STX8: variants seen among roughly 807,000 people sequenced by gnomAD.
STX8 encodes syntaxin 8, also known as syntaxin-8.
A neutral mutation model predicts 37.5 loss-of-function variants in STX8; 23 were observed. The observed-to-expected ratio is 0.61, with a 90% CI of 0.44 to 0.87. STX8 has a LOEUF of 0.87. STX8 is among the 40% of genes least tolerant of loss of function. STX8 has a pLI of 0.00. For missense variants in STX8, 313 were observed against 284.7 expected, an observed-to-expected ratio of 1.10 and a Z score of -0.71; for synonymous variants, 115 against 99.1, an observed-to-expected ratio of 1.16 and a Z score of -0.95.
At chr17:9,486,579 G>A (rs539099212) in intron 6 of STX8, among the ~76,000 whole-genome samples, 1 of 152,268 alleles carries the variant, frequency 6.6e-6, no homozygotes, top group Non-Finnish European at 1.5e-5. Context: ...TGCTGCGGGT[G>A]GTGGCTCAAG....
At position 9,274,740 on chromosome 17, in the gene STX8, A is replaced by AT. The variant is rs1907605522; in HGVS notation, c.644-24096dup. On this transcript the variant is annotated intron_variant, in intron 7 of 7. Coordinates refer to ENST00000306357, the MANE Select transcript of STX8 (RefSeq NM_004853.3). ...AAACAAAGTCTTCAAAAATACAACA[A>AT]TTTCTTTTTTCTTTTTTTTTTTTTT... is the stretch of plus-strand genomic sequence containing the variant. 1.7e-4 allele frequency among the ~76,000 whole-genome samples: 19 copies of AT among 112,492 alleles called. 2 individuals carry two copies. Among genetic ancestry groups the AT allele is most frequent in the Non-Finnish European group, 2.4e-4 (13 of 53,744 alleles). The allele number at this position is 112,492 out of a possible 152,430, so 73.8% of individuals were successfully genotyped here.
chr17:9,525,029 G>A (rs12936161), intron 4 of STX8, among the ~76,000 whole-genome samples: 2,712 of 152,084 alleles, frequency 0.018, 91 homozygotes, highest in African/African-American at 0.062. Flanking sequence ...AGCTGGTTTC[G>A]AACTCCTGAC....
At chr17:9,400,106 AT>A (rs368851654) in intron 6 of STX8, among the ~76,000 whole-genome samples, 155 of 138,030 alleles carry the variant, frequency 1.1e-3, no homozygotes, top group African/African-American at 2.5e-3. Flanking sequence ...TGTTGTTATT[AT>A]TTTTTTTTTT....
At chr17:9,371,050 G>C (rs1911387019) in intron 7 of STX8, among the ~76,000 whole-genome samples, 1 of 152,082 alleles carries the variant, frequency 6.6e-6, no homozygotes, top group African/African-American at 2.4e-5. Context: ...CTGAGTGAAA[G>C]GTTCACAAAG....
chr17:9,508,009 C>T lies in STX8; in HGVS notation c.324-2847G>A, dbSNP rs144215604. Among the ~76,000 whole-genome samples, 345 of 152,088 alleles carry T rather than the reference C, an allele frequency of 2.3e-3. 1 individual carries two copies. Among genetic ancestry groups the T allele is most frequent in the Non-Finnish European group, 4.0e-3 (273 of 67,982 alleles). ...CATAGACATCAACATAGGGATACAT[C>T]GAACATGAAAAAGCAAGGAAACATG... On this transcript the variant is annotated intron_variant, in intron 4 of 7. Transcript: ENST00000306357.
intron 3 of STX8, among the ~76,000 whole-genome samples, chr17:9,549,046 T>C (rs1409379219): frequency 6.6e-6 from 1 of 152,170 alleles, no homozygotes; most frequent in African/African-American, 2.4e-5. Flanking sequence ...CAAAGGAATT[T>C]TATGTTTACA....
intron 6 of STX8, among the ~76,000 whole-genome samples, chr17:9,479,399 T>C (rs1346802884): frequency 6.6e-6 from 1 of 151,812 alleles, no homozygotes; most frequent in East Asian, 1.9e-4. Context: ...CTGGGCATGG[T>C]GGCACATGCC....
At chr17:9,337,575 C>T (rs1374511615) in intron 7 of STX8, among the ~76,000 whole-genome samples, 2 of 152,124 alleles carry the variant, frequency 1.3e-5, no homozygotes, top group East Asian at 1.9e-4. Context: ...CCATGTTGGG[C>T]AGGCTGATCT....
At chr17:9,373,900 T>C (rs974586129) in intron 7 of STX8, among the ~76,000 whole-genome samples, 3 of 149,154 alleles carry the variant, frequency 2.0e-5, no homozygotes, top group South Asian at 2.1e-4. Flanking sequence ...GATTGCACCA[T>C]TGCATTCCAG....
intron 6 of STX8, among the ~76,000 whole-genome samples, chr17:9,490,726 A>T (rs1209984008): frequency 6.6e-6 from 1 of 152,174 alleles, no homozygotes; most frequent in African/African-American, 2.4e-5. Context: ...CTTAGATAGA[A>T]TACTTTACAT....
At chr17:9,545,956 T>C (rs1012883060) in intron 3 of STX8, among the ~76,000 whole-genome samples, 7 of 152,202 alleles carry the variant, frequency 4.6e-5, no homozygotes, top group Admixed American at 1.3e-4. Flanking sequence ...TTTTGAGTTA[T>C]ATGTGTGTGT....
chr17:9,331,638 T>C (rs1399478516), intron 7 of STX8, among the ~76,000 whole-genome samples: 1 of 152,186 alleles, frequency 6.6e-6, no homozygotes, highest in Non-Finnish European at 1.5e-5. Context: ...TTCCAAAAAA[T>C]GTGCTTTCCG....
chr17:9,333,480 C>T (rs1166487652), intron 7 of STX8, among the ~76,000 whole-genome samples: 6 of 152,136 alleles, frequency 3.9e-5, no homozygotes, highest in South Asian at 4.2e-4. Flanking sequence ...CTCCGCCTCC[C>T]GGGTTCACGC....
In STX8 at chr17:9,499,957, T is replaced by G. The variant is rs1488429480; in HGVS notation, c.448+5081A>C. On this transcript the variant is annotated intron_variant, in intron 5 of 7. Transcript: ENST00000306357. Reference sequence around the variant, plus strand: ...TACTCTTCCCGACTGAAAACAGCTTTTCTTGGCAAAATGCAACAATGCCAG... The same window carrying G: ...TACTCTTCCCGACTGAAAACAGCTTGTCTTGGCAAAATGCAACAATGCCAG... 2.6e-5 allele frequency among the ~76,000 whole-genome samples: 4 copies of G among 152,254 alleles called. 1 individual carries two copies. Among genetic ancestry groups the G allele is most frequent in the Admixed American group, 1.3e-4 (2 of 15,286 alleles).
At chr17:9,271,764 A>AAG (rs1567762418) in intron 7 of STX8, among the ~76,000 whole-genome samples, 1 of 151,358 alleles carries the variant, frequency 6.6e-6, no homozygotes, top group Non-Finnish European at 1.5e-5. Flanking sequence ...AAAAAAAAAA[A>AAG]AAAAGAAAGA....
At chr17:9,484,698 G>A (rs893769356) in intron 6 of STX8, among the ~76,000 whole-genome samples, 5 of 151,648 alleles carry the variant, frequency 3.3e-5, no homozygotes, top group East Asian at 3.9e-4. Flanking sequence ...ATGGTGGTGC[G>A]TGCCCGTAAT....
At chr17:9,336,714 G>A (rs967533289) in intron 7 of STX8, among the ~76,000 whole-genome samples, 2 of 152,140 alleles carry the variant, frequency 1.3e-5, no homozygotes, top group African/African-American at 4.8e-5. Context: ...GATAACAGGT[G>A]TAAGCCACCG....
chr17:9,528,600 G>A (rs1323864348), intron 4 of STX8, among the ~76,000 whole-genome samples: 1 of 152,124 alleles, frequency 6.6e-6, no homozygotes, highest in African/African-American at 2.4e-5. Context: ...GAGCCACTGC[G>A]CCTGGCTTTT....
intron 4 of STX8, among the ~76,000 whole-genome samples, chr17:9,538,481 T>C (rs998793830): frequency 1.3e-5 from 2 of 152,252 alleles, no homozygotes; most frequent in Non-Finnish European, 2.9e-5. Context: ...TTTTTAATGT[T>C]AGAATTTAAT....
Sources: gnomAD v4.1 joint callset for allele counts (sites outside exome capture counted in the v4.1 genomes callset) on GRCh38, gnomAD v4.1.1 for gene constraint, MANE v1.5 for transcripts, NCBI Gene and HGNC (gene_info 2026-07-23, HGNC 2026-07-21) for gene names.